The following MLXIP variants were observed in gnomAD, a reference collection of about 807,000 sequenced individuals.
MLXIP encodes the protein MLX interacting protein, also known as MLX-interacting protein.
A neutral mutation model predicts 87.2 loss-of-function variants in MLXIP; 30 were observed. The observed-to-expected ratio is 0.34, with a 90% CI of 0.26 to 0.47. The LOEUF (loss-of-function observed/expected upper bound fraction) is 0.47, where lower values mean the gene tolerates loss of function less well. Among genes scored for constraint, MLXIP ranks in the 20% least tolerant of loss-of-function variants. The pLI is 1.00. For missense variants in MLXIP, 1,002 were observed against 1,240.1 expected (o/e 0.81, Z 2.88); for synonymous variants, 530 against 514.0 (o/e 1.03, Z -0.42).
At chr12:122,086,107 A>C (rs1222084132) in intron 1 of MLXIP, among the ~76,000 whole-genome samples, 1 of 152,188 alleles carries the variant, frequency 6.6e-6, no homozygotes. Flanking sequence ...GATTGGGAAT[A>C]TGGGCCCCTC....
chr12:122,118,575 C>A (rs981059226), intron 1 of MLXIP, among the ~76,000 whole-genome samples: 3 of 150,974 alleles, frequency 2.0e-5, no homozygotes, highest in African/African-American at 7.3e-5. Context: ...AGGCCGGGCG[C>A]AGTGGCTCAC....
chr12:122,137,951 C>T lies in MLXIP; in HGVS notation c.2155-243C>T, dbSNP rs1953123935. Among the ~76,000 whole-genome samples, 1 of 152,210 alleles carries T rather than the reference C, an allele frequency of 6.6e-6. No individual in the cohort carries two copies. Among genetic ancestry groups the T allele is most frequent in the Non-Finnish European group, 1.5e-5 (1 of 68,030 alleles). On this transcript the variant is annotated intron_variant, in intron 12 of 16. Transcript: ENST00000319080. The surrounding 1 kb of genome is among the most constrained non-coding windows in gnomAD (Gnocchi z 4.1). The stretch of plus-strand genomic sequence containing the variant: ...GGCGGAGCTTGCAGCACCTGGGATG[C>T]ACCGGTTCAGCCCTGCCGTTCCCAG...
chr12:122,135,428 T>G lies in MLXIP; in HGVS notation c.1855-61T>G. Reference sequence around the variant, plus strand: ...TTGGGCGGCCCTCACCTGAGACGACTGGTGTGCCGCCCTGCTGTATATCAG... The same window carrying G: ...TTGGGCGGCCCTCACCTGAGACGACGGGTGTGCCGCCCTGCTGTATATCAG... On this transcript the variant is annotated intron_variant, in intron 10 of 16. Transcript: ENST00000319080. This position sits in a 1 kb window ranked among gnomAD's most constrained non-coding sequence, Gnocchi z 5.3. 6.2e-7 allele frequency: 1 copy of G among 1,604,298 alleles called. No homozygotes were observed. Among genetic ancestry groups the G allele is most frequent in the Admixed American group, 1.7e-5 (1 of 59,300 alleles).
At position 122,083,676 on chromosome 12, in the gene MLXIP, A is replaced by G. The variant is rs565357488; in HGVS notation, c.413+4410A>G. On this transcript the variant is annotated intron_variant, in intron 1 of 16. Coordinates refer to ENST00000319080, the MANE Select transcript of MLXIP (RefSeq NM_014938.6). ...TGATCTGCCTGCCTCAGCCTCCCAA[A>G]ATGCTGGGATTACAGGCGTGAGCCA... Among the ~76,000 whole-genome samples the G allele has an allele frequency of 1.1e-4, 17 of 152,142 alleles. No individual in the cohort carries two copies. In the South Asian group the frequency reaches 3.3e-3, roughly 30 times the overall value.
rs760695850 is a variant in MLXIP at position 122,141,057 on chromosome 12, A to C, written c.2612A>C (p.His871Pro). ...HRTALSWLDQHCSLPILRPMV... is the reference protein window; with the variant it reads ...HRTALSWLDQPCSLPILRPMV... ...ACGGCGCTCTCCTGGCTGGACCAGC[A>C]CTGCTCCCTGCCCATCCTCAGGCCG... The change falls in exon 16 of 17, where the codon CAC becomes CCC. Residue 871 changes from histidine to proline, a missense_variant. Physicochemically the swap from His to Pro is moderately conservative, Grantham distance 77. This residue lies in a region of MLXIP where 746 missense variants were observed against 897.0 expected (regional missense o/e 0.83). Transcript: ENST00000319080. 1 of 1,612,546 alleles carries C rather than the reference A, an allele frequency of 6.2e-7. No individual in the cohort carries two copies. Among genetic ancestry groups the C allele is most frequent in the Non-Finnish European group, 8.5e-7 (1 of 1,179,680 alleles).
chr12:122,122,795 C>T (rs1021139615), intron 1 of MLXIP, among the ~76,000 whole-genome samples: 1 of 151,978 alleles, frequency 6.6e-6, no homozygotes, highest in Non-Finnish European at 1.5e-5. Context: ...GATACACCCG[C>T]CTCGGCCTCC....
chr12:122,102,806 C>G lies in MLXIP; in HGVS notation c.413+23540C>G, dbSNP rs546650665. The stretch of plus-strand genomic sequence containing the variant: ...TGACACAGAGTGAAACAAGTCAATC[C>G]CAAATGGTTACATACTATATGATTC... On this transcript the variant is annotated intron_variant, in intron 1 of 16. Coordinates refer to ENST00000319080, the MANE Select transcript of MLXIP (RefSeq NM_014938.6). Among the ~76,000 whole-genome samples, 25 of 152,214 alleles carry G rather than the reference C, an allele frequency of 1.6e-4. No homozygotes were observed. In the South Asian group the frequency reaches 5.2e-3, roughly 32 times the overall value.
At chr12:122,104,781 C>T (rs1230574473) in intron 1 of MLXIP, among the ~76,000 whole-genome samples, 1 of 151,876 alleles carries the variant, frequency 6.6e-6, no homozygotes, top group Non-Finnish European at 1.5e-5. Context: ...GGGGTTTCAC[C>T]ACTTTAGCCA....
At chr12:122,081,358 G>A (rs1475610758) in intron 1 of MLXIP, among the ~76,000 whole-genome samples, 1 of 152,206 alleles carries the variant, frequency 6.6e-6, no homozygotes, top group Non-Finnish European at 1.5e-5. Context: ...TTTGTCCAGT[G>A]CTGAGTTTAG....
chr12:122,103,175 A>G (rs185775747), intron 1 of MLXIP, among the ~76,000 whole-genome samples: 2 of 107,348 alleles, frequency 1.9e-5, no homozygotes, highest in African/African-American at 3.5e-5. Context: ...GGCTAATTTT[A>G]TATGTATGTA....
intron 1 of MLXIP, among the ~76,000 whole-genome samples, chr12:122,125,945 T>C (rs1952875064): frequency 6.6e-6 from 1 of 152,194 alleles, no homozygotes; most frequent in African/African-American, 2.4e-5. Context: ...CTCAGGCGCC[T>C]CCTGTGAAGA....
chr12:122,125,706 C>CTT (rs1952871129), intron 1 of MLXIP, among the ~76,000 whole-genome samples: 1 of 152,242 alleles, frequency 6.6e-6, no homozygotes, highest in South Asian at 2.1e-4. Flanking sequence ...TGTGACTACT[C>CTT]TGAGTCCCTG....
intron 1 of MLXIP, among the ~76,000 whole-genome samples, chr12:122,099,154 G>A (rs953897777): frequency 9.2e-5 from 14 of 152,208 alleles, no homozygotes; most frequent in Admixed American, 6.5e-4. Flanking sequence ...GGAGGATGGC[G>A]TCAGCTGGGG....
chr12:122,133,907 C>T lies in MLXIP; in HGVS notation c.1652C>T (p.Pro551Leu). The change falls in exon 9 of 17, where the codon CCT (proline) becomes CTT (leucine). Residue 551 changes from proline (P) to leucine (L), a missense_variant. By Grantham distance (98) the Pro-to-Leu change is moderately conservative. Around this residue, in one of 3 missense-constraint regions of MLXIP, gnomAD observed 746 missense variants for 897.0 expected, o/e 0.83. Transcript: ENST00000319080. The surrounding 1 kb of genome is among the most constrained non-coding windows in gnomAD (Gnocchi z 4.9). ...PKPVSLTGGR[P>L]KQPHKIVPAP... is the part of the protein sequence containing the mutation. ...CCTGTATCCTTGACTGGGGGCAGGC[C>T]TAAGCAGCCCCACAAAATAGTGCCT... 6.2e-7 allele frequency: 1 copy of T among 1,609,636 alleles called. No individual in the cohort carries two copies. The highest frequency in any genetic ancestry group is 8.5e-7 in the Non-Finnish European group (1 of 1,178,316).
At chr12:122,132,404 G>A (rs1478539155) in intron 8 of MLXIP, 21 bp downstream of exon 8, 1 of 1,582,112 alleles carries the variant, frequency 6.3e-7, no homozygotes, top group Non-Finnish European at 8.6e-7. Context: ...CTGGGGGATG[G>A]GTGGGGGAAG....
chr12:122,095,018 GGTGTGTTGT>G (rs1952328765), intron 1 of MLXIP, among the ~76,000 whole-genome samples: 1 of 145,282 alleles, frequency 6.9e-6, no homozygotes, highest in Admixed American at 6.9e-5. Context: ...GTGTGGTGTT[GGTGTGTTGT>G]GTGTGTGGGG....
chr12:122,079,483 T>C (rs1952060873), intron 1 of MLXIP, among the ~76,000 whole-genome samples: 2 of 152,124 alleles, frequency 1.3e-5, no homozygotes, highest in African/African-American at 2.4e-5. Context: ...TCCTTTCGGG[T>C]TCACGTTCCC....
chr12:122,101,224 G>T (rs1411204012), intron 1 of MLXIP, among the ~76,000 whole-genome samples: 1 of 152,136 alleles, frequency 6.6e-6, no homozygotes, highest in East Asian at 1.9e-4. Context: ...ATCACATAGA[G>T]GTGTATGCTC....
intron 1 of MLXIP, among the ~76,000 whole-genome samples, chr12:122,085,474 G>T (rs1393407744): frequency 6.6e-6 from 1 of 151,482 alleles, no homozygotes; most frequent in Non-Finnish European, 1.5e-5. Context: ...CGCGATCTGG[G>T]CTCACTGCAA....
Sources: gnomAD v4.1 joint callset for allele counts (sites outside exome capture counted in the v4.1 genomes callset) on GRCh38, gnomAD v4.1.1 for gene constraint, gnomAD v4.1.1 regional missense constraint, Gnocchi (gnomAD v3.1) non-coding constraint, MANE v1.5 for transcripts, NCBI Gene and HGNC (gene_info 2026-07-23, HGNC 2026-07-21) for gene names.